SPECC1: variants seen among roughly 807,000 people sequenced by gnomAD.
The protein encoded by SPECC1 is cytospin-B.
Under a neutral mutation model 104.1 loss-of-function variants are expected in SPECC1, and 62 were observed. That is an observed-to-expected ratio of 0.60 (90% confidence interval 0.49 to 0.74). The LOEUF is 0.74. SPECC1 is among the 30% of genes least tolerant of loss of function. SPECC1 has a pLI of 0.00. For missense variants in SPECC1, 1,306 were observed against 1,310.5 expected, an observed-to-expected ratio of 1.00 and a Z score of 0.05; for synonymous variants, 513 against 501.6, an observed-to-expected ratio of 1.02 and a Z score of -0.30.
chr17:20,071,767 T>A (rs1278837265), intron 1 of SPECC1, among the ~76,000 whole-genome samples: 2 of 152,216 alleles, frequency 1.3e-5, no homozygotes, highest in Non-Finnish European at 2.9e-5. Context: ...GAATACATAC[T>A]TATTTTAGAA....
rs371289652 is a variant in SPECC1, at chr17:20,066,911, A to ATTTT, written c.-21-29703_-21-29700dup. Among the ~76,000 whole-genome samples the ATTTT allele has an allele frequency of 2.3e-3, 272 of 120,076 alleles. 2 individuals carry two copies. The highest frequency in any genetic ancestry group is 9.3e-3 in the Middle Eastern group (2 of 216). The allele number at this position is 120,076 out of a possible 152,430, so 78.8% of individuals were successfully genotyped here. A position where few individuals can be genotyped will look rare whatever the true frequency, so the allele number is the denominator to read the frequency against. On this transcript the variant is annotated intron_variant, in intron 1 of 14. Coordinates refer to ENST00000395527, the MANE Select transcript of SPECC1 (RefSeq NM_001243439.2). ...CATACCACCACACCTGGCTAATCAA[A>ATTTT]TTTTTTTTTTTTTTTTTTTTGGTAG...
At chr17:20,042,974 T>A (rs72843506) in intron 1 of SPECC1, among the ~76,000 whole-genome samples, 29,703 of 152,206 alleles carry the variant, frequency 0.2, 2,957 homozygotes, top group African/African-American at 0.21. Context: ...GTATGTCTGC[T>A]CTGTCCCTGG....
intron 14 of SPECC1, among the ~76,000 whole-genome samples, chr17:20,308,244 C>G (rs2041829171): frequency 6.6e-6 from 1 of 151,884 alleles, no homozygotes; most frequent in African/African-American, 2.4e-5. Flanking sequence ...ACAAAATTGG[C>G]CAGGTGTGGT....
At chr17:20,306,620 G>T (rs1166891287) in intron 14 of SPECC1, among the ~76,000 whole-genome samples, 1 of 152,248 alleles carries the variant, frequency 6.6e-6, no homozygotes, top group Admixed American at 6.5e-5. Flanking sequence ...GAGGTGATAA[G>T]GAAGCTGGTT....
At chr17:20,210,026 C>T (rs577763766) in intron 4 of SPECC1, among the ~76,000 whole-genome samples, 1 of 152,104 alleles carries the variant, frequency 6.6e-6, no homozygotes, top group African/African-American at 2.4e-5. Context: ...GAATGGTTTG[C>T]GGGAGTCAGC....
In SPECC1 at chr17:20,111,815, G is replaced by A. The variant is rs540969615; in HGVS notation, c.283+1253G>A. Reference sequence around the variant, plus strand: ...TGGCTCACTCAGGACCCAGGGGGGGGGCAGCGCGATGAGGTGGGTGGCCCT... The same window carrying A: ...TGGCTCACTCAGGACCCAGGGGGGGAGCAGCGCGATGAGGTGGGTGGCCCT... On this transcript the variant is annotated intron_variant, in intron 3 of 14. Coordinates refer to ENST00000395527, the MANE Select transcript of SPECC1 (RefSeq NM_001243439.2). 76 of 831,954 alleles carry A rather than the reference G, an allele frequency of 9.1e-5. 1 individual carries two copies. In the East Asian group the frequency reaches 1.2e-3, roughly 13 times the overall value. The allele number at this position is 831,954 out of a possible 1,614,324, so 51.5% of individuals were successfully genotyped here.
At chr17:20,297,207 C>T (rs907778470) in intron 13 of SPECC1, 130 bp downstream of exon 13, 2 of 687,258 alleles carry the variant, frequency 2.9e-6, no homozygotes, top group Admixed American at 5.6e-5. Context: ...GTACAGATAA[C>T]TCCTGAATGT....
chr17:20,213,049 G>A (rs2037258445), intron 4 of SPECC1, among the ~76,000 whole-genome samples: 1 of 152,098 alleles, frequency 6.6e-6, no homozygotes, highest in African/African-American at 2.4e-5. Flanking sequence ...TTGATGAAAT[G>A]AAGCCAGCAT....
intron 7 of SPECC1, 38 bp downstream of exon 7, chr17:20,232,443 A>G (rs1452004661): frequency 1.9e-6 from 3 of 1,565,380 alleles, no homozygotes; most frequent in South Asian, 2.3e-5. Context: ...CTTGCTTCTC[A>G]ATCACTATGT....
At chr17:20,139,697 G>A (rs569338820) in intron 3 of SPECC1, among the ~76,000 whole-genome samples, 9 of 152,000 alleles carry the variant, frequency 5.9e-5, no homozygotes, top group East Asian at 1.9e-4. Context: ...TTTTTGAGAC[G>A]AAATCTCGCT....
At chr17:20,257,414 T>G (rs368745660) in intron 10 of SPECC1, 37 bp from the exon 11 acceptor site, 7 of 1,539,582 alleles carry the variant, frequency 4.5e-6, no homozygotes, top group African/African-American at 2.8e-5. Context: ...AAGAGCTGCT[T>G]CTTTGGGAAT....
At chr17:20,298,474 G>A (rs2041429725) in intron 13 of SPECC1, among the ~76,000 whole-genome samples, 1 of 152,206 alleles carries the variant, frequency 6.6e-6, no homozygotes, top group African/African-American at 2.4e-5. Flanking sequence ...TGCAGTTAGT[G>A]GGGCCAGAGA....
At chr17:20,254,137 G>A (rs7209546) in intron 10 of SPECC1, among the ~76,000 whole-genome samples, 2 of 75,580 alleles carry the variant, frequency 2.6e-5, no homozygotes, top group Admixed American at 1.6e-4. Context: ...GTTACACCGT[G>A]TGTGTGTGTG....
chr17:20,253,968 A>G (rs1243842816), intron 10 of SPECC1, among the ~76,000 whole-genome samples: 2 of 151,944 alleles, frequency 1.3e-5, no homozygotes, highest in Admixed American at 1.3e-4. Context: ...TGCCTGGCAT[A>G]TTGTTTTTTA....
At chr17:20,282,017 A>T (rs1202048242) in intron 12 of SPECC1, among the ~76,000 whole-genome samples, 1 of 152,202 alleles carries the variant, frequency 6.6e-6, no homozygotes, top group Admixed American at 6.5e-5. Context: ...TGCCAGTGGA[A>T]CTGCTGTTGG....
intron 1 of SPECC1, among the ~76,000 whole-genome samples, chr17:20,055,947 G>A (rs1473579158): frequency 6.6e-6 from 1 of 152,190 alleles, no homozygotes; most frequent in Admixed American, 6.5e-5. Context: ...CCACCCTCCT[G>A]GTGCAGGGGC....
At chr17:20,298,005 A>G (rs2041411507) in intron 13 of SPECC1, among the ~76,000 whole-genome samples, 1 of 152,238 alleles carries the variant, frequency 6.6e-6, no homozygotes, top group African/African-American at 2.4e-5. Context: ...GTGCTGTGAG[A>G]CAGAGTGACG....
At chr17:20,045,392 G>T (rs1213421076) in intron 1 of SPECC1, among the ~76,000 whole-genome samples, 2 of 152,132 alleles carry the variant, frequency 1.3e-5, no homozygotes, top group Non-Finnish European at 1.5e-5. Context: ...ATACCATTTT[G>T]TGTGTGTATC....
intron 13 of SPECC1, among the ~76,000 whole-genome samples, chr17:20,298,948 A>AGAGAGAGAGAGAGTGTGTGTGTGTGTGT: frequency 1.4e-4 from 7 of 49,068 alleles, no homozygotes; most frequent in African/African-American, 3.7e-4. Context: ...AGAGAGAGAG[A>AGAGAGAGAGAGAGTGTGTGTGTGTGTGT]GTGTGTGTGT....
Sources: gnomAD v4.1 joint callset for allele counts (sites outside exome capture counted in the v4.1 genomes callset) on GRCh38, gnomAD v4.1.1 for gene constraint, MANE v1.5 for transcripts, NCBI Gene and HGNC (gene_info 2026-07-23, HGNC 2026-07-21) for gene names.